PACSIN2: variants seen among roughly 807,000 people sequenced by gnomAD.
The protein encoded by PACSIN2 is protein kinase C and casein kinase substrate in neurons protein 2.
PACSIN2 carries 25 observed loss-of-function variants against 63.8 expected under a neutral mutation model. The observed-to-expected ratio is 0.39, with a 90% confidence interval of 0.29 to 0.55. The LOEUF is 0.55. Among genes scored for constraint, PACSIN2 ranks in the 20% least tolerant of loss-of-function variants. PACSIN2 has a pLI of 0.62. For missense variants in PACSIN2, 518 were observed against 646.9 expected (o/e 0.80, Z 2.16); for synonymous variants, 255 against 256.2 (o/e 1.00, Z 0.05).
At chr22:43,003,045 C>G (rs1411512996) in intron 1 of PACSIN2, among the ~76,000 whole-genome samples, 2 of 152,224 alleles carry the variant, frequency 1.3e-5, no homozygotes, top group African/African-American at 2.4e-5. Context: ...AGCTTCCTCA[C>G]ATTCAAACTA....
intron 2 of PACSIN2, among the ~76,000 whole-genome samples, chr22:42,903,416 C>A (rs1930841812): frequency 6.6e-6 from 1 of 152,224 alleles, no homozygotes; most frequent in South Asian, 2.1e-4. Flanking sequence ...GTTGTGAAAT[C>A]TGTGATGTGT....
intron 3 of PACSIN2, among the ~76,000 whole-genome samples, chr22:42,891,787 T>A (rs565111279): frequency 2.0e-5 from 3 of 152,176 alleles, no homozygotes; most frequent in Non-Finnish European, 2.9e-5. Context: ...TACTTAAAGG[T>A]GGCCAGAGAA....
At chr22:42,956,989 A>G (rs1933942605) in intron 1 of PACSIN2, among the ~76,000 whole-genome samples, 1 of 152,208 alleles carries the variant, frequency 6.6e-6, no homozygotes, top group Admixed American at 6.5e-5. Flanking sequence ...CTTAATATAT[A>G]GTGAAAATAT....
At chr22:42,945,130 T>C (rs1933356346) in intron 1 of PACSIN2, among the ~76,000 whole-genome samples, 1 of 150,082 alleles carries the variant, frequency 6.7e-6, no homozygotes, top group Admixed American at 6.6e-5. Flanking sequence ...GGCTGTGTCA[T>C]CTCCGTATCC....
intron 1 of PACSIN2, among the ~76,000 whole-genome samples, chr22:42,949,589 T>C (rs912913492): frequency 3.3e-5 from 5 of 152,022 alleles, no homozygotes; most frequent in African/African-American, 7.3e-5. Context: ...CAATATACAA[T>C]AATATTATCT....
intron 1 of PACSIN2, among the ~76,000 whole-genome samples, chr22:42,966,747 C>T (rs1326831544): frequency 1.3e-5 from 2 of 152,206 alleles, no homozygotes; most frequent in African/African-American, 4.8e-5. Flanking sequence ...AGATGTCACG[C>T]AGCCTCATGG....
At chr22:42,983,137 T>TAC (rs1922340960) in intron 1 of PACSIN2, among the ~76,000 whole-genome samples, 1 of 151,172 alleles carries the variant, frequency 6.6e-6, no homozygotes. Context: ...GCCAACATGG[T>TAC]AAAACCCCGT....
At chr22:42,998,626 T>C (rs1163182922) in intron 1 of PACSIN2, among the ~76,000 whole-genome samples, 1 of 152,222 alleles carries the variant, frequency 6.6e-6, no homozygotes, top group African/African-American at 2.4e-5. Flanking sequence ...ATTTTGTTAA[T>C]CATAATCACA....
At chr22:42,909,486 A>G in intron 2 of PACSIN2, 2 of 470,864 alleles carry the variant, frequency 4.2e-6, no homozygotes, top group Non-Finnish European at 8.8e-6. Flanking sequence ...GCAGGCCATC[A>G]CTGAGCAGTC....
chr22:42,872,436 A>AT (rs1602156569), intron 10 of PACSIN2, among the ~76,000 whole-genome samples: 1 of 152,208 alleles, frequency 6.6e-6, no homozygotes, highest in African/African-American at 2.4e-5. Flanking sequence ...TTTTGCCTTT[A>AT]TTGCTAAGTT....
intron 1 of PACSIN2, among the ~76,000 whole-genome samples, chr22:43,011,221 G>C (rs748913590): frequency 6.6e-6 from 1 of 152,224 alleles, no homozygotes; most frequent in African/African-American, 2.4e-5. Flanking sequence ...AACTGCCTTC[G>C]TAACTAAGGC....
intron 2 of PACSIN2, among the ~76,000 whole-genome samples, chr22:42,911,617 T>C (rs1265766159): frequency 1.3e-5 from 2 of 152,190 alleles, no homozygotes; most frequent in Non-Finnish European, 2.9e-5. Flanking sequence ...TTGTCCAGCA[T>C]GATGTCAAAT....
Position 42,876,173 on chromosome 22 carries a change from C to G in PACSIN2, c.1312G>C (p.Glu438Gln). Residue 438 changes from glutamate (E) to glutamine (Q), a missense_variant, in exon 10 of 11, where the codon GAG becomes CAG. Glu to Gln is a conservative substitution (Grantham distance 29, BLOSUM62 2). Transcript: ENST00000263246. Reference sequence around the variant, plus strand: ...CTCAGCTCATCATGCTCCTGCCCCTCATAGTCATACAGGGCCCGGACTCGC... The same window carrying G: ...CTCAGCTCATCATGCTCCTGCCCCTGATAGTCATACAGGGCCCGGACTCGC... ...EVRVRALYDY[E>Q]GQEHDELSFK... 6.2e-7 allele frequency: 1 copy of G among 1,614,200 alleles called. No individual in the cohort carries two copies. Among genetic ancestry groups the G allele is most frequent in the Non-Finnish European group, 8.5e-7 (1 of 1,180,012 alleles).
chr22:42,893,383 T>TCA, intron 3 of PACSIN2, 74 bp downstream of exon 3: 1 of 1,469,014 alleles, frequency 6.8e-7, no homozygotes, highest in South Asian at 1.1e-5. Flanking sequence ...ATAGAGAGGG[T>TCA]CACAACGTGC....
intron 1 of PACSIN2, among the ~76,000 whole-genome samples, chr22:42,993,143 C>T (rs1441040484): frequency 6.6e-6 from 1 of 151,248 alleles, no homozygotes; most frequent in Non-Finnish European, 1.5e-5. Context: ...CACTGCACTC[C>T]AGCCTAGCAA....
chr22:42,882,296 G>A lies in PACSIN2; in HGVS notation c.794C>T (p.Ala265Val). ...GCTCTGCTCCAGGTCATGGTAAATG[G>A]CTTTGTAGCTAAATCAGAGAGAAAC... is the stretch of plus-strand genomic sequence containing the variant. ...LDLSNVAGYK[A>V]IYHDLEQSIR... The change falls in exon 7 of 11, where the codon GCC becomes GTC. Residue 265 changes from alanine (A) to valine (V), a missense_variant. Ala to Val is a moderately conservative substitution (Grantham distance 64, BLOSUM62 0). Around this residue, in one of 2 missense-constraint regions of PACSIN2, gnomAD observed 507 missense variants for 612.3 expected, o/e 0.83. Coordinates refer to ENST00000263246, the MANE Select transcript of PACSIN2 (RefSeq NM_001184970.3). 2 of 1,610,074 alleles carry A rather than the reference G, an allele frequency of 1.2e-6. No individual in the cohort carries two copies. The highest frequency in any genetic ancestry group is 1.1e-5 in the South Asian group (1 of 90,808).
chr22:43,007,837 G>A (rs5759083), intron 1 of PACSIN2, among the ~76,000 whole-genome samples: 4,798 of 152,274 alleles, frequency 0.032, 165 homozygotes, highest in East Asian at 0.18. Flanking sequence ...GGCATGCAGT[G>A]GCCAGGACCA....
At chr22:42,969,050 C>T (rs575926133) in intron 1 of PACSIN2, among the ~76,000 whole-genome samples, 6 of 152,054 alleles carry the variant, frequency 3.9e-5, no homozygotes, top group Non-Finnish European at 8.8e-5. Flanking sequence ...TATCTCCATC[C>T]ATCCATCCAT....
At chr22:42,910,970 T>A (rs947415356) in intron 2 of PACSIN2, among the ~76,000 whole-genome samples, 3 of 152,004 alleles carry the variant, frequency 2.0e-5, no homozygotes, top group Non-Finnish European at 2.9e-5. Context: ...AGTGGCGCTG[T>A]CTCGGCTCAC....
Sources: gnomAD v4.1 joint callset for allele counts (sites outside exome capture counted in the v4.1 genomes callset) on GRCh38, gnomAD v4.1.1 for gene constraint, gnomAD v4.1.1 regional missense constraint, MANE v1.5 for transcripts, NCBI Gene and HGNC (gene_info 2026-07-23, HGNC 2026-07-21) for gene names.